Variants in LY75 observed in about 807,000 individuals in gnomAD.
LY75 encodes lymphocyte antigen 75.
A neutral mutation model predicts 231.7 loss-of-function variants in LY75; 185 were observed. The ratio of observed to expected loss-of-function variants is 0.80; its 90% CI spans 0.71 to 0.90. The LOEUF (loss-of-function observed/expected upper bound fraction) is 0.90, where lower values mean the gene tolerates loss of function less well. LY75 is among the 40% of genes least tolerant of loss of function. LY75 has a pLI of 0.00. For synonymous variants in LY75, 668 were observed against 689.0 expected, an observed-to-expected ratio of 0.97 and a Z score of 0.48; for missense variants, 1,947 against 2,050.2, an observed-to-expected ratio of 0.95 and a Z score of 0.97.
In LY75 at chr2:159,825,330, C is replaced by T. The variant is rs556314461; in HGVS notation, c.3959-5410G>A. On this transcript the variant is annotated intron_variant, in intron 28 of 34. Coordinates refer to ENST00000263636, the MANE Select transcript of LY75 (RefSeq NM_002349.4). Reference sequence around the variant, plus strand: ...TACCATCAGAGAATACTATAAACACCTCTATGCAGATAAACTAGAAAATCT... The same window carrying T: ...TACCATCAGAGAATACTATAAACACTTCTATGCAGATAAACTAGAAAATCT... 2.6e-3 allele frequency among the ~76,000 whole-genome samples: 402 copies of T among 152,300 alleles called. 1 individual carries two copies. Among genetic ancestry groups the T allele is most frequent in the African/African-American group, 9.3e-3 (385 of 41,580 alleles).
intron 28 of LY75, among the ~76,000 whole-genome samples, chr2:159,829,524 T>C (rs1171630316): frequency 6.6e-6 from 1 of 152,052 alleles, no homozygotes; most frequent in Non-Finnish European, 1.5e-5. Flanking sequence ...CCAAATACAA[T>C]TAAATATTCT....
Position 159,815,435 on chromosome 2 carries a change from C to A in LY75, c.4519G>T (p.Asp1507Tyr). 1 of 1,612,078 alleles carries A rather than the reference C, an allele frequency of 6.2e-7. No homozygotes were observed. Among genetic ancestry groups the A allele is most frequent in the Non-Finnish European group, 8.5e-7 (1 of 1,179,540 alleles). ...WKHEKCNSVK[D>Y]GAICYKPTKS... is the part of the protein sequence containing the mutation. ...GTAGGTTTATAACAAATAGCACCAT[C>A]CTTAACAGAGTTGCATTTTTCATGT... Residue 1507 changes from aspartate (D) to tyrosine (Y), a missense_variant, in exon 31 of 35, where the codon GAT becomes TAT. Physicochemically the swap from Asp to Tyr is radical, Grantham distance 160. Coordinates refer to ENST00000263636, the MANE Select transcript of LY75 (RefSeq NM_002349.4).
intron 29 of LY75, among the ~76,000 whole-genome samples, chr2:159,817,576 C>A (rs1352153260): frequency 1.3e-5 from 2 of 152,026 alleles, no homozygotes; most frequent in South Asian, 2.1e-4. Flanking sequence ...TTACAGAATG[C>A]AGTATGTTAG....
At chr2:159,863,268 C>T (rs1411717850) in intron 14 of LY75, among the ~76,000 whole-genome samples, 1 of 151,994 alleles carries the variant, frequency 6.6e-6, no homozygotes, top group East Asian at 1.9e-4. Context: ...CTGCAGTCAC[C>T]CTCCGAGTAT....
chr2:159,868,591 A>T (rs1000020040), intron 13 of LY75, among the ~76,000 whole-genome samples: 10 of 152,224 alleles, frequency 6.6e-5, no homozygotes, highest in Non-Finnish European at 1.5e-4. Context: ...AACAAATCAT[A>T]AAAATTTCCT....
chr2:159,878,708 T>C lies in LY75; in HGVS notation c.1529A>G (p.His510Arg), dbSNP rs1477377801. 1 of 1,613,982 alleles carries C rather than the reference T, an allele frequency of 6.2e-7. No individual in the cohort carries two copies. The highest frequency in any genetic ancestry group is 8.5e-7 in the Non-Finnish European group (1 of 1,179,906). ...ATAAATCTTGTAACAGGTTTCTCCATGTCTCTTCCAGCCCTAAGTCAGAGG... is the reference window on the plus strand; with the variant it reads ...ATAAATCTTGTAACAGGTTTCTCCACGTCTCTTCCAGCCCTAAGTCAGAGG... ...MCPPDEGWKR[H>R]GETCYKIYED... The change falls in exon 10 of 35, where the codon CAT (histidine) becomes CGT (arginine). Residue 510 changes from histidine (H) to arginine (R), a missense_variant. Transcript: ENST00000263636.
chr2:159,872,676 G>T, intron 12 of LY75, 83 bp from the exon 13 acceptor site: 1 of 1,444,254 alleles, frequency 6.9e-7, no homozygotes, highest in Non-Finnish European at 9.4e-7. Context: ...TGTCACATGT[G>T]TGGGCCCCTG....
intron 28 of LY75, among the ~76,000 whole-genome samples, chr2:159,822,507 T>A (rs979034836): frequency 6.6e-6 from 1 of 152,078 alleles, no homozygotes; most frequent in South Asian, 2.1e-4. Context: ...GGGCAGGGCA[T>A]CTCTGAAAAA....
At position 159,855,990 on chromosome 2, in the gene LY75, A is replaced by G. The variant is rs1035163472; in HGVS notation, c.2384-1051T>C. 7.2e-5 allele frequency among the ~76,000 whole-genome samples: 11 copies of G among 152,316 alleles called. No homozygotes were observed. The South Asian group carries it at 1.7e-3, about 23-fold the overall frequency. The stretch of plus-strand genomic sequence containing the variant: ...TGAGCCAGTTCTATTCGTATTGGAT[A>G]ATTTCCAACAATAATGTTGCAAGTC... On this transcript the variant is annotated intron_variant, in intron 16 of 34. Coordinates refer to ENST00000263636, the MANE Select transcript of LY75 (RefSeq NM_002349.4).
chr2:159,810,775 G>A, intron 31 of LY75, 100 bp from the exon 32 acceptor site: 1 of 1,526,770 alleles, frequency 6.5e-7, no homozygotes, highest in Non-Finnish European at 8.8e-7. Flanking sequence ...TGCGTTTGTG[G>A]TTGAGTAGCA....
At chr2:159,809,031 G>A (rs546363592) in intron 32 of LY75, among the ~76,000 whole-genome samples, 1 of 152,268 alleles carries the variant, frequency 6.6e-6, no homozygotes, top group Non-Finnish European at 1.5e-5. Context: ...AAAGGTTTAT[G>A]ACTTTCAAAA....
chr2:159,870,056 T>C (rs1684964842), intron 13 of LY75, among the ~76,000 whole-genome samples: 1 of 152,170 alleles, frequency 6.6e-6, no homozygotes, highest in Non-Finnish European at 1.5e-5. Flanking sequence ...GCTTAATAAA[T>C]AAATATTTAT....
At chr2:159,816,560 A>G (rs187018381) in intron 30 of LY75, among the ~76,000 whole-genome samples, 10 of 152,298 alleles carry the variant, frequency 6.6e-5, no homozygotes, top group African/African-American at 2.4e-4. Flanking sequence ...CAAATAGGCT[A>G]TAGAGGTGTT....
chr2:159,863,051 T>C (rs1023791355), intron 14 of LY75, among the ~76,000 whole-genome samples: 15 of 151,124 alleles, frequency 9.9e-5, no homozygotes, highest in African/African-American at 3.4e-4. Flanking sequence ...CTCAGTGATA[T>C]CACGTGGCAT....
chr2:159,843,785 T>C (rs11886807), intron 23 of LY75, among the ~76,000 whole-genome samples: 7,174 of 152,114 alleles, frequency 0.047, 517 homozygotes, highest in African/African-American at 0.16. Flanking sequence ...TCAAGACACA[T>C]AGAAGAGAAG....
intron 28 of LY75, among the ~76,000 whole-genome samples, chr2:159,826,431 A>C (rs1683470054): frequency 7.9e-6 from 1 of 126,420 alleles, no homozygotes; most frequent in South Asian, 2.1e-4. Flanking sequence ...GGAGAACTAC[A>C]AACCACTGCT....
chr2:159,875,408 A>T, intron 12 of LY75, 36 bp downstream of exon 12: 4 of 1,600,014 alleles, frequency 2.5e-6, no homozygotes, highest in Non-Finnish European at 3.4e-6. Context: ...TGGAAAAATA[A>T]CTTCATTGAA....
chr2:159,890,144 T>G, intron 4 of LY75, 69 bp downstream of exon 4: 2 of 1,553,102 alleles, frequency 1.3e-6, no homozygotes, highest in Non-Finnish European at 8.7e-7. Context: ...CATCTGGATA[T>G]GAAAACAGAA....
At chr2:159,902,342 A>G (rs1474589973) in intron 1 of LY75, 1 of 152,206 alleles carries the variant, frequency 6.6e-6, no homozygotes, top group Admixed American at 6.5e-5. Flanking sequence ...GTGGTGTTTG[A>G]GAGAAAATGG....
Sources: allele counts gnomAD v4.1 joint callset (sites outside exome capture counted in the v4.1 genomes callset), GRCh38; gene constraint gnomAD v4.1.1; transcripts MANE v1.5; gene names NCBI Gene and HGNC (gene_info 2026-07-23, HGNC 2026-07-21).